Variants in FMN1 observed in about 807,000 individuals in gnomAD.
The protein encoded by FMN1 is formin-1.
A neutral mutation model predicts 132.4 loss-of-function variants in FMN1; 110 were observed. The ratio of observed to expected loss-of-function variants is 0.83; its 90% CI spans 0.71 to 0.97. The LOEUF (loss-of-function observed/expected upper bound fraction) is 0.97. Among genes scored for constraint, FMN1 ranks in the 50% least tolerant of loss-of-function variants. The probability of loss-of-function intolerance (pLI) is 0.00; values close to 1 mark genes in which losing one functional copy is unlikely to be tolerated. For synonymous variants in FMN1, 722 were observed against 651.7 expected (o/e 1.11, Z -1.64); for missense variants, 1,792 against 1,705.3 (o/e 1.05, Z -0.90).
In FMN1 at chr15:32,956,270, A is replaced by G. The variant is rs577945759; in HGVS notation, c.3138+7837T>C. 2.0e-5 allele frequency among the ~76,000 whole-genome samples: 3 copies of G among 152,334 alleles called. 1 individual carries two copies. In the South Asian group the frequency reaches 6.2e-4, roughly 32 times the overall value. ...TCAAGTTACTGTTGAACAGCCAACA[A>G]GAGAAACATGGTTGAACTCCAAGAA... On this transcript the variant is annotated intron_variant, in intron 9 of 20. Coordinates refer to ENST00000616417, the MANE Select transcript of FMN1 (RefSeq NM_001277313.2).
intron 9 of FMN1, among the ~76,000 whole-genome samples, chr15:32,955,146 AT>A (rs1175450142): frequency 2.6e-5 from 4 of 152,208 alleles, no homozygotes; most frequent in African/African-American, 9.6e-5. Flanking sequence ...TTTTGATCAA[AT>A]TAGTTAATAT....
intron 10 of FMN1, among the ~76,000 whole-genome samples, chr15:32,913,056 T>C (rs146033450): frequency 6.6e-6 from 1 of 152,282 alleles, no homozygotes; most frequent in East Asian, 1.9e-4. Context: ...TACTGAGTGA[T>C]TTGTGCTGTA....
At chr15:33,029,182 A>G (rs959110989) in intron 6 of FMN1, among the ~76,000 whole-genome samples, 1 of 152,146 alleles carries the variant, frequency 6.6e-6, no homozygotes, top group Non-Finnish European at 1.5e-5. Context: ...TGAATACCCA[A>G]ATAAACTGAC....
chr15:33,122,790 C>G (rs1225903894), intron 4 of FMN1, among the ~76,000 whole-genome samples: 1 of 152,122 alleles, frequency 6.6e-6, no homozygotes, highest in Non-Finnish European at 1.5e-5. Context: ...TGCCATTATT[C>G]TGTTACATAA....
chr15:32,982,320 T>C (rs1314672635), intron 7 of FMN1, among the ~76,000 whole-genome samples: 4 of 152,198 alleles, frequency 2.6e-5, no homozygotes, highest in Non-Finnish European at 5.9e-5. Context: ...CTGATGGGAA[T>C]GGACAGTGGT....
chr15:33,016,532 G>A (rs1417303921), intron 6 of FMN1, among the ~76,000 whole-genome samples: 1 of 152,142 alleles, frequency 6.6e-6, no homozygotes, highest in Non-Finnish European at 1.5e-5. Flanking sequence ...AGAAACAGTG[G>A]AGGTAGATTC....
rs369977305 is a variant in FMN1, at chr15:32,830,161, T to TA, written c.3929-25830dup. ...GGAAGGCCAAAGACCAAAAATAAAG[T>TA]AAAAAAAAAAAAGTAAATGAAGTTA... On this transcript the variant is annotated intron_variant, in intron 17 of 20. Transcript: ENST00000616417. Among the ~76,000 whole-genome samples, 931 of 139,734 alleles carry TA rather than the reference T, an allele frequency of 6.7e-3. 8 individuals carry two copies. Among genetic ancestry groups the TA allele is most frequent in the African/African-American group, 0.02 (751 of 38,092 alleles). 91.7% of individuals were successfully genotyped at this position (139,734 alleles called of 152,430 possible).
intron 15 of FMN1, among the ~76,000 whole-genome samples, chr15:32,891,710 G>A (rs909190074): frequency 6.6e-6 from 1 of 152,068 alleles, no homozygotes; most frequent in Admixed American, 6.6e-5. Context: ...TGTTTGTGTT[G>A]TCTACGGTTT....
intron 4 of FMN1, among the ~76,000 whole-genome samples, chr15:33,107,938 C>T (rs746378681): frequency 1.3e-5 from 2 of 151,970 alleles, no homozygotes; most frequent in African/African-American, 2.4e-5. Context: ...CTCTGGAAGC[C>T]ACAGAGGTGT....
chr15:32,804,267 T>G lies in FMN1; in HGVS notation c.3980+14A>C. 1 of 1,556,750 alleles carries G rather than the reference T, an allele frequency of 6.4e-7. No homozygotes were observed. The highest frequency in any genetic ancestry group is 1.4e-5 in the African/African-American group (1 of 73,678). On this transcript the variant is annotated intron_variant, in intron 18 of 20. Coordinates refer to ENST00000616417, the MANE Select transcript of FMN1 (RefSeq NM_001277313.2). Reference sequence around the variant, plus strand: ...AGTCAAAGAAAGAACTGGGGCCAAATCAGAGCTGCTTACCTTTTCTGTGCA... The same window carrying G: ...AGTCAAAGAAAGAACTGGGGCCAAAGCAGAGCTGCTTACCTTTTCTGTGCA...
intron 6 of FMN1, among the ~76,000 whole-genome samples, chr15:33,034,944 C>T (rs1236493931): frequency 1.3e-5 from 2 of 152,186 alleles, no homozygotes; most frequent in African/African-American, 4.8e-5. Flanking sequence ...CAATCTCAAA[C>T]AATATCCTAT....
intron 19 of FMN1, among the ~76,000 whole-genome samples, chr15:32,783,280 A>G (rs1208575640): frequency 1.3e-5 from 2 of 152,236 alleles, no homozygotes; most frequent in Non-Finnish European, 2.9e-5. Flanking sequence ...AAATTTTTGA[A>G]AACTTTATCT....
At chr15:32,873,960 T>C (rs528847745) in intron 16 of FMN1, among the ~76,000 whole-genome samples, 1 of 152,112 alleles carries the variant, frequency 6.6e-6, no homozygotes, top group African/African-American at 2.4e-5. Context: ...TTTTTATTTT[T>C]ACTCCATTTC....
At chr15:33,166,806 A>C (rs1214610942) in intron 3 of FMN1, among the ~76,000 whole-genome samples, 1 of 152,132 alleles carries the variant, frequency 6.6e-6, no homozygotes, top group Non-Finnish European at 1.5e-5. Flanking sequence ...ACCAGTGACC[A>C]TATATATAGA....
intron 17 of FMN1, among the ~76,000 whole-genome samples, chr15:32,825,720 A>T (rs75762541): frequency 0.031 from 4,698 of 152,310 alleles, 114 homozygotes; most frequent in African/African-American, 0.062. Flanking sequence ...AAATGGGCTG[A>T]AGAAATTTTC....
chr15:32,982,783 A>T (rs2032781674), intron 7 of FMN1, among the ~76,000 whole-genome samples: 1 of 151,436 alleles, frequency 6.6e-6, no homozygotes, highest in Admixed American at 6.6e-5. Context: ...TTACACCTGA[A>T]CTCTTCTTGG....
chr15:32,803,302 A>G (rs1381012627), intron 18 of FMN1, among the ~76,000 whole-genome samples: 1 of 152,184 alleles, frequency 6.6e-6, no homozygotes, highest in Non-Finnish European at 1.5e-5. Context: ...CTCAAATTTC[A>G]GCCCTAAATA....
intron 4 of FMN1, among the ~76,000 whole-genome samples, chr15:33,099,369 G>A (rs1407208221): frequency 6.6e-6 from 1 of 152,166 alleles, no homozygotes; most frequent in Non-Finnish European, 1.5e-5. Context: ...TTGGCATCAG[G>A]AATCATGTTT....
At chr15:32,992,584 TAAAG>T (rs1418265144) in intron 7 of FMN1, among the ~76,000 whole-genome samples, 1 of 152,084 alleles carries the variant, frequency 6.6e-6, no homozygotes, top group African/African-American at 2.4e-5. Flanking sequence ...GTGGGAGAAA[TAAAG>T]AAAATGTTCG....
Sources: gnomAD v4.1 joint callset for allele counts (sites outside exome capture counted in the v4.1 genomes callset) on GRCh38, gnomAD v4.1.1 for gene constraint, MANE v1.5 for transcripts, NCBI Gene and HGNC (gene_info 2026-07-23, HGNC 2026-07-21) for gene names.